SEMA6D: variants seen among roughly 807,000 people sequenced by gnomAD.
The protein encoded by SEMA6D is semaphorin-6D.
A neutral mutation model predicts 106.6 loss-of-function variants in SEMA6D; 35 were observed. The observed-to-expected ratio is 0.33, with a 90% confidence interval of 0.25 to 0.44. The LOEUF (loss-of-function observed/expected upper bound fraction) is 0.44. Among genes scored for constraint, SEMA6D ranks in the 20% least tolerant of loss-of-function variants. The pLI is 1.00. For missense variants in SEMA6D, 1,185 were observed against 1,345.9 expected (o/e 0.88, Z 1.87); for synonymous variants, 499 against 487.7 (o/e 1.02, Z -0.31).
intron 2 of SEMA6D, among the ~76,000 whole-genome samples, chr15:47,454,753 A>G (rs1433434068): frequency 2.6e-5 from 4 of 151,956 alleles, no homozygotes; most frequent in Non-Finnish European, 4.4e-5. Context: ...AAGACTTTTC[A>G]TTACAGAGTT....
Position 47,316,102 on chromosome 15 carries a change from C to CTTTTTTTTTTTTTTTTTTTTTTTTT in SEMA6D, c.-238-96283_-238-96282insTTTTTTTTTTTTTTTTTTTTTTTTT, listed in dbSNP as rs67090828. ...TCCCAATCAGTATGCCATTTATTTC[C>CTTTTTTTTTTTTTTTTTTTTTTTTT]TTTTTTTTGAGACAGAATCTTGTTC... On this transcript the variant is annotated intron_variant, in intron 1 of 19. Coordinates refer to the SEMA6D transcript ENST00000558014. 1.2e-3 allele frequency among the ~76,000 whole-genome samples: 96 copies of CTTTTTTTTTTTTTTTTTTTTTTTTT among 81,448 alleles called. 26 individuals are homozygous for CTTTTTTTTTTTTTTTTTTTTTTTTT. Among genetic ancestry groups the CTTTTTTTTTTTTTTTTTTTTTTTTT allele is most frequent in the Middle Eastern group, 0.025 (2 of 80 alleles). 53.4% of individuals were successfully genotyped at this position (81,448 alleles called of 152,430 possible). A position where few individuals can be genotyped will look rare whatever the true frequency, so the allele number is the denominator to read the frequency against.
intron 1 of SEMA6D, among the ~76,000 whole-genome samples, chr15:47,203,752 C>G (rs776019023): frequency 2.3e-4 from 35 of 152,164 alleles, no homozygotes; most frequent in Non-Finnish European, 5.0e-4. Context: ...CACCTTCTTT[C>G]TGCCCCTGCA....
chr15:47,371,313 G>A (rs745348164), intron 1 of SEMA6D, among the ~76,000 whole-genome samples: 1 of 152,118 alleles, frequency 6.6e-6, no homozygotes, highest in Non-Finnish European at 1.5e-5. Context: ...TATCTTCATG[G>A]CTTACACATA....
At position 47,653,332 on chromosome 15, in the gene SEMA6D, A is replaced by C. The variant is rs745690382; in HGVS notation, c.-55+52436A>C. Among the ~76,000 whole-genome samples the C allele has an allele frequency of 1.5e-4, 23 of 152,250 alleles. 1 individual carries two copies. The highest frequency in any genetic ancestry group is 2.8e-4 in the Non-Finnish European group (19 of 68,042). The stretch of plus-strand genomic sequence containing the variant: ...GAAACTTGACTCTGCGGGAAATAAT[A>C]GAGACTCTTCAAATATGCAATGAAA... On this transcript the variant is annotated intron_variant, in intron 4 of 19. Coordinates refer to the SEMA6D transcript ENST00000558014.
chr15:47,559,393 G>C (rs2046012186), intron 3 of SEMA6D, among the ~76,000 whole-genome samples: 1 of 152,064 alleles, frequency 6.6e-6, no homozygotes, highest in Non-Finnish European at 1.5e-5. Flanking sequence ...TGAGCTTCAG[G>C]TCAGAAGAAT....
chr15:47,717,408 G>C (rs1184221036), upstream of SEMA6D: 1 of 152,100 alleles, frequency 6.6e-6, no homozygotes, highest in African/African-American at 2.4e-5. Flanking sequence ...TGCCGAGTGC[G>C]TGGAGGGAGC....
At chr15:47,552,843 AAT>A (rs1249472818) in intron 3 of SEMA6D, among the ~76,000 whole-genome samples, 1 of 79,100 alleles carries the variant, frequency 1.3e-5, no homozygotes, top group African/African-American at 7.3e-5. Flanking sequence ...TATATATATA[AAT>A]ATATATAAAT....
chr15:47,555,309 A>G (rs1262146466), intron 3 of SEMA6D, among the ~76,000 whole-genome samples: 3 of 152,118 alleles, frequency 2.0e-5, no homozygotes, highest in Non-Finnish European at 4.4e-5. Context: ...TCTTTTTCTC[A>G]TAACGGTTAT....
Position 47,451,847 on chromosome 15 carries a change from A to T in SEMA6D, c.-158-18627A>T, listed in dbSNP as rs779423918. ...GGGGGAATATTTGCAGGCAATGGAC[A>T]TGCTGTTGGTCTTGATTTTAGTGGA... On this transcript the variant is annotated intron_variant, in intron 2 of 19. Coordinates refer to the SEMA6D transcript ENST00000558014. 3.3e-5 allele frequency among the ~76,000 whole-genome samples: 5 copies of T among 152,034 alleles called. No individual in the cohort carries two copies. The South Asian group carries it at 6.2e-4, about 19-fold the overall frequency.
rs151041791 is a variant in SEMA6D at position 47,258,004 on chromosome 15, T to C, written c.-239+73586T>C. On this transcript the variant is annotated intron_variant, in intron 1 of 19. Transcript: ENST00000558014. ...ATCATTTTATCATTATACTTATCTC[T>C]AATAAATTTCTTTCCTCTGTAGCCT... 6.2e-3 allele frequency among the ~76,000 whole-genome samples: 950 copies of C among 152,340 alleles called. 12 individuals carry two copies. The highest frequency in any genetic ancestry group is 0.022 in the African/African-American group (913 of 41,578).
intron 1 of SEMA6D, among the ~76,000 whole-genome samples, chr15:47,210,623 C>T (rs912207048): frequency 3.3e-5 from 5 of 151,768 alleles, no homozygotes; most frequent in East Asian, 3.9e-4. Flanking sequence ...AAATCCGTGG[C>T]GCGTGGTGGC....
chr15:47,580,276 A>C (rs899538928), intron 3 of SEMA6D, among the ~76,000 whole-genome samples: 1 of 152,196 alleles, frequency 6.6e-6, no homozygotes, highest in Non-Finnish European at 1.5e-5. Flanking sequence ...GCCTTTCCAC[A>C]TAACACTATG....
rs373986770 is a variant in SEMA6D, at chr15:47,260,577, A to C, written c.-239+76159A>C. Among the ~76,000 whole-genome samples the C allele has an allele frequency of 7.2e-5, 11 of 152,140 alleles. 1 individual carries two copies. Among genetic ancestry groups the C allele is most frequent in the African/African-American group, 2.7e-4 (11 of 41,494 alleles). ...GTCTCGAAGAGATTTCTGTGATGTG[A>C]TAGGATTTTTCTGCCTGTGTCATTC... On this transcript the variant is annotated intron_variant, in intron 1 of 19. Transcript: ENST00000558014.
At chr15:47,500,140 G>T (rs556152757) in intron 3 of SEMA6D, among the ~76,000 whole-genome samples, 7 of 152,198 alleles carry the variant, frequency 4.6e-5, no homozygotes, top group African/African-American at 1.7e-4. Context: ...CCCTCCTGAT[G>T]AAATATAAGA....
At chr15:47,558,808 A>G (rs1245561634) in intron 3 of SEMA6D, among the ~76,000 whole-genome samples, 3 of 152,078 alleles carry the variant, frequency 2.0e-5, no homozygotes, top group Non-Finnish European at 4.4e-5. Context: ...AATAGTTAGG[A>G]GAAGAGTATA....
chr15:47,232,925 T>C (rs1364193539), intron 1 of SEMA6D, among the ~76,000 whole-genome samples: 2 of 151,886 alleles, frequency 1.3e-5, no homozygotes, highest in Non-Finnish European at 2.9e-5. Flanking sequence ...CACACACACA[T>C]ACACACAAAT....
At position 47,770,835 on chromosome 15, in the gene SEMA6D, G is replaced by C. The variant is rs968179630; in HGVS notation, c.2272G>C (p.Val758Leu). 3 of 1,613,908 alleles carry C rather than the reference G, an allele frequency of 1.9e-6. No homozygotes were observed. Among genetic ancestry groups the C allele is most frequent in the Non-Finnish European group, 2.5e-6 (3 of 1,179,944 alleles). ...ACCCAATGGAGATACTAAATCCATG[G>C]TAATGGACCATCGAGGGCAACCTCC... ...LPPNGDTKSM[V>L]MDHRGQPPEL... Residue 758 changes from valine to leucine, a missense_variant, in exon 19 of 19, where the codon GTA becomes CTA. Physicochemically the swap from Val to Leu is conservative, Grantham distance 32. This residue lies in a region of SEMA6D where 750 missense variants were observed against 783.5 expected (regional missense o/e 0.96). Coordinates refer to ENST00000536845, the MANE Select transcript of SEMA6D (RefSeq NM_001358351.3).
chr15:47,488,841 A>C (rs2043377207), intron 3 of SEMA6D, among the ~76,000 whole-genome samples: 1 of 152,146 alleles, frequency 6.6e-6, no homozygotes, highest in Non-Finnish European at 1.5e-5. Flanking sequence ...CAAGGGTCAC[A>C]CTCTTAGGGT....
intron 3 of SEMA6D, among the ~76,000 whole-genome samples, chr15:47,548,653 G>T (rs2045594349): frequency 6.6e-6 from 1 of 152,126 alleles, no homozygotes; most frequent in Non-Finnish European, 1.5e-5. Flanking sequence ...CCTCCAGTAT[G>T]CCCTGAGAAA....
Sources: gnomAD v4.1 joint callset for allele counts (sites outside exome capture counted in the v4.1 genomes callset) on GRCh38, gnomAD v4.1.1 for gene constraint, gnomAD v4.1.1 regional missense constraint, MANE v1.5 for transcripts, NCBI Gene and HGNC (gene_info 2026-07-23, HGNC 2026-07-21) for gene names.